TLK1: variants seen among roughly 807,000 people sequenced by gnomAD.
The protein encoded by TLK1 is serine/threonine-protein kinase tousled-like 1.
In TLK1, 24 loss-of-function variants were observed where a neutral mutation model predicts 105.3. The observed-to-expected ratio is 0.23, with a 90% CI of 0.17 to 0.32. The LOEUF is 0.32. TLK1 is among the 10% of genes least tolerant of loss of function. The pLI, the probability that TLK1 is intolerant of heterozygous loss-of-function variation, is 1.00. For synonymous variants in TLK1, 321 were observed against 310.4 expected, an observed-to-expected ratio of 1.03 and a Z score of -0.36; for missense variants, 558 against 910.5, an observed-to-expected ratio of 0.61 and a Z score of 4.98.
intron 1 of TLK1, among the ~76,000 whole-genome samples, chr2:171,140,119 A>T (rs58028937): frequency 0.1 from 15,668 of 152,188 alleles, 1,323 homozygotes; most frequent in African/African-American, 0.23. Context: ...TAACCAATTG[A>T]TAATTTAAAC....
upstream of TLK1, among the ~76,000 whole-genome samples, chr2:171,165,780 G>GTAGTTATAACTCCTAGGT (rs1692597046): frequency 6.6e-6 from 1 of 151,716 alleles, no homozygotes; most frequent in African/African-American, 2.4e-5. Flanking sequence ...GCATGGTGGC[G>GTAGTTATAACTCCTAGGT]CACACCTGTA....
intron 2 of TLK1, among the ~76,000 whole-genome samples, chr2:171,102,245 G>A (rs1689723501): frequency 6.6e-6 from 1 of 152,094 alleles, no homozygotes; most frequent in South Asian, 2.1e-4. Flanking sequence ...CCCTGCCATG[G>A]AAGATGAAGA....
chr2:171,207,705 G>A (rs79297386), intron 1 of TLK1, among the ~76,000 whole-genome samples: 3 of 152,276 alleles, frequency 2.0e-5, no homozygotes, highest in African/African-American at 4.8e-5. Flanking sequence ...ATTTTTAAAA[G>A]GGAGGGGAGT....
chr2:171,039,477 T>C (rs1686545979), intron 11 of TLK1, among the ~76,000 whole-genome samples: 1 of 152,110 alleles, frequency 6.6e-6, no homozygotes, highest in Admixed American at 6.5e-5. Context: ...AGGCTGGTCT[T>C]CAACTCCTGA....
intron 12 of TLK1, chr2:171,023,255 T>A: frequency 2.2e-6 from 1 of 460,016 alleles, no homozygotes. Flanking sequence ...TTGAGATGAC[T>A]GTAAATTGTT....
upstream of TLK1, among the ~76,000 whole-genome samples, chr2:171,165,288 A>G (rs1011201448): frequency 6.6e-6 from 1 of 152,144 alleles, no homozygotes; most frequent in Non-Finnish European, 1.5e-5. Flanking sequence ...AGTACAGACC[A>G]AGGGCTCTGT....
At chr2:171,089,823 G>A (rs2105487721) in intron 2 of TLK1, among the ~76,000 whole-genome samples, 1 of 152,238 alleles carries the variant, frequency 6.6e-6, no homozygotes, top group African/African-American at 2.4e-5. Context: ...ACGGGCACAA[G>A]CCACCGTGCC....
chr2:171,018,846 T>A (rs572480980), intron 12 of TLK1, among the ~76,000 whole-genome samples: 2 of 152,192 alleles, frequency 1.3e-5, no homozygotes, highest in African/African-American at 2.4e-5. Flanking sequence ...GCTATTACAA[T>A]GAAGAAGAGA....
chr2:171,058,136 C>A lies in TLK1; in HGVS notation c.453+15G>T, dbSNP rs1687587929. ...TACTGAATTAGGAAATGGAGACAAT[C>A]CTCAATGAACTTACTTCAAAATAGT... On this transcript the variant is annotated intron_variant, in intron 5 of 20. Coordinates refer to ENST00000431350, the MANE Select transcript of TLK1 (RefSeq NM_012290.5). The A allele has an allele frequency of 6.2e-7, 1 of 1,613,078 alleles. No homozygotes were observed.
rs1476858219 is a variant in TLK1, at chr2:171,082,774, T to C, written c.330+7A>G. The C allele has an allele frequency of 3.8e-6, 6 of 1,588,594 alleles. No individual in the cohort carries two copies. The highest frequency in any genetic ancestry group is 3.5e-5 in the South Asian group (3 of 86,926). ...AATAGCACCATATTTAAAATGAAAT[T>C]ACTTACCTCTGATTCTTTGTCACTT... On this transcript the variant is annotated splice_region_variant and intron_variant, in intron 3 of 20. Coordinates refer to ENST00000431350, the MANE Select transcript of TLK1 (RefSeq NM_012290.5).
At chr2:171,044,674 G>A (rs1686855875) in intron 11 of TLK1, among the ~76,000 whole-genome samples, 1 of 152,084 alleles carries the variant, frequency 6.6e-6, no homozygotes, top group African/African-American at 2.4e-5. Flanking sequence ...GAAATGTGAC[G>A]GCCTAGGACA....
intron 1 of TLK1, among the ~76,000 whole-genome samples, chr2:171,123,016 G>A (rs1004055971): frequency 1.5e-4 from 22 of 150,970 alleles, no homozygotes; most frequent in African/African-American, 4.9e-4. Context: ...TCCAGCCTGG[G>A]TGACAAGAGA....
chr2:171,181,314 ACT>A (rs1692924849), intron 1 of TLK1, among the ~76,000 whole-genome samples: 1 of 152,076 alleles, frequency 6.6e-6, no homozygotes, highest in South Asian at 2.1e-4. Context: ...CCATATAAAG[ACT>A]CTGAAGCATC....
At chr2:171,066,569 G>C (rs1688005678) in intron 3 of TLK1, among the ~76,000 whole-genome samples, 1 of 152,154 alleles carries the variant, frequency 6.6e-6, no homozygotes, top group Non-Finnish European at 1.5e-5. Context: ...ATTATTTTAT[G>C]CTCAATTTTT....
intron 2 of TLK1, among the ~76,000 whole-genome samples, chr2:171,111,438 C>G (rs895397830): frequency 4.0e-5 from 6 of 151,884 alleles, no homozygotes; most frequent in Non-Finnish European, 7.4e-5. Flanking sequence ...AAAAAACTAG[C>G]CGAATGTCAT....
chr2:170,992,170 ATTTT>A lies in TLK1; in HGVS notation c.*1606_*1609del. The A allele has an allele frequency of 6.6e-6, 1 of 152,160 alleles. No individual in the cohort carries two copies. Among genetic ancestry groups the A allele is most frequent in the Non-Finnish European group, 1.5e-5 (1 of 68,002 alleles). The allele number at this position is 152,160 out of a possible 1,614,324, so 9.4% of individuals were successfully genotyped here. A position where few individuals can be genotyped will look rare whatever the true frequency, so the allele number is the denominator to read the frequency against. On this transcript the variant is annotated 3_prime_UTR_variant, in exon 21 of 21. Transcript: ENST00000431350. ...CCAATGTAATTTTCATAGTCTTTAC[ATTTT>A]AACTGTCATTGTTTATTACTGTTTT...
chr2:171,060,131 T>C, intron 4 of TLK1: 2 of 1,350,466 alleles, frequency 1.5e-6, no homozygotes, highest in Non-Finnish European at 2.0e-6. Flanking sequence ...GCAACCATCC[T>C]AAAAACAAAG....
At chr2:171,058,095 GC>G in intron 5 of TLK1, 55 bp downstream of exon 5, 1 of 1,564,078 alleles carries the variant, frequency 6.4e-7, no homozygotes, top group African/African-American at 1.4e-5. Flanking sequence ...ATTATTTCTA[GC>G]TCACAGCAGA....
At chr2:171,085,283 G>T (rs1265484227) in intron 2 of TLK1, among the ~76,000 whole-genome samples, 1 of 151,992 alleles carries the variant, frequency 6.6e-6, no homozygotes, top group African/African-American at 2.4e-5. Flanking sequence ...CCAGATACTT[G>T]GGAGGCTGAG....
Sources: gnomAD v4.1 joint callset for allele counts (sites outside exome capture counted in the v4.1 genomes callset) on GRCh38, gnomAD v4.1.1 for gene constraint, MANE v1.5 for transcripts, NCBI Gene and HGNC (gene_info 2026-07-23, HGNC 2026-07-21) for gene names.